Variants in ZFPM2 observed in about 807,000 individuals in gnomAD.
ZFPM2 encodes the protein zinc finger protein, FOG family member 2, also known as zinc finger protein ZFPM2.
ZFPM2 carries 20 observed loss-of-function variants against 98.6 expected under a neutral mutation model. The observed-to-expected ratio is 0.20, with a 90% CI of 0.14 to 0.29. ZFPM2 has a LOEUF of 0.29. Ranked by LOEUF, ZFPM2 falls within the 10% of genes least tolerant of loss-of-function variation. The pLI is 1.00. For synonymous variants in ZFPM2, 518 were observed against 502.7 expected (o/e 1.03, Z -0.41); for missense variants, 1,310 against 1,388.6 (o/e 0.94, Z 0.90).
chr8:105,543,139 A>G (rs532039962), intron 3 of ZFPM2, among the ~76,000 whole-genome samples: 3 of 152,248 alleles, frequency 2.0e-5, no homozygotes, highest in Admixed American at 6.5e-5. Flanking sequence ...TTAAATTAAA[A>G]TCTCCTGGAT....
intron 3 of ZFPM2, among the ~76,000 whole-genome samples, chr8:105,466,873 A>G (rs993222895): frequency 1.3e-5 from 2 of 152,028 alleles, no homozygotes; most frequent in African/African-American, 4.8e-5. Flanking sequence ...TGATATTATA[A>G]TAGGGTGGAA....
chr8:105,782,189 T>C (rs1400697864), intron 5 of ZFPM2, among the ~76,000 whole-genome samples: 1 of 152,196 alleles, frequency 6.6e-6, no homozygotes, highest in Non-Finnish European at 1.5e-5. Context: ...GTGTAGCACA[T>C]GGTAACCACT....
chr8:105,443,025 T>A (rs1314502432), intron 2 of ZFPM2, among the ~76,000 whole-genome samples: 1 of 151,912 alleles, frequency 6.6e-6, no homozygotes, highest in Non-Finnish European at 1.5e-5. Context: ...ATCTTGGCAT[T>A]ATTGGCCGGG....
rs1291562533 is a variant in ZFPM2, at chr8:105,444,024, A to G, written c.200-256A>G. 6.6e-6 allele frequency among the ~76,000 whole-genome samples: 1 copy of G among 152,216 alleles called. No individual in the cohort carries two copies. Among genetic ancestry groups the G allele is most frequent in the African/African-American group, 2.4e-5 (1 of 41,464 alleles). On this transcript the variant is annotated intron_variant, in intron 2 of 7. Coordinates refer to ENST00000407775, the MANE Select transcript of ZFPM2 (RefSeq NM_012082.4). Reference sequence around the variant, plus strand: ...CTTCTTATATATATTAATAACTCCAAAGGAAAATTTACATGGAAATGTTTT... The same window carrying G: ...CTTCTTATATATATTAATAACTCCAGAGGAAAATTTACATGGAAATGTTTT...
chr8:105,441,503 C>CGAAAGAAAAAAAGAAAGAAAGAAAG (rs1563660188), intron 2 of ZFPM2, among the ~76,000 whole-genome samples: 1 of 53,346 alleles, frequency 1.9e-5, no homozygotes, highest in African/African-American at 6.3e-5. Context: ...AGAAAGAAAT[C>CGAAAGAAAAAAAGAAAGAAAGAAAG]AAAGCCCAGG....
chr8:105,360,342 T>C (rs919500633), intron 1 of ZFPM2, among the ~76,000 whole-genome samples: 12 of 152,204 alleles, frequency 7.9e-5, no homozygotes, highest in African/African-American at 2.7e-4. Flanking sequence ...TTTTTATTTT[T>C]ACTCACAGTA....
At chr8:105,416,087 T>G (rs1811674812) in intron 1 of ZFPM2, among the ~76,000 whole-genome samples, 1 of 151,874 alleles carries the variant, frequency 6.6e-6, no homozygotes, top group Non-Finnish European at 1.5e-5. Flanking sequence ...AACCCTGGAA[T>G]AGATAATATT....
At chr8:105,542,776 T>C (rs990339601) in intron 3 of ZFPM2, among the ~76,000 whole-genome samples, 41 of 152,314 alleles carry the variant, frequency 2.7e-4, no homozygotes, top group African/African-American at 8.9e-4. Context: ...ATTCCTTATA[T>C]ACTTTGCCAA....
At chr8:105,798,498 G>A (rs759075102) in intron 6 of ZFPM2, 2 of 468,104 alleles carry the variant, frequency 4.3e-6, no homozygotes, top group East Asian at 6.3e-5. Flanking sequence ...AAATGTTGGA[G>A]TCTCCTCTTT....
chr8:105,588,192 G>A (rs1456800105), intron 4 of ZFPM2, among the ~76,000 whole-genome samples: 3 of 152,054 alleles, frequency 2.0e-5, no homozygotes. Context: ...GAATTAAAAT[G>A]CATTAGGTGA....
chr8:105,514,292 C>T (rs1586428487), intron 3 of ZFPM2, among the ~76,000 whole-genome samples: 2 of 147,514 alleles, frequency 1.4e-5, no homozygotes, highest in South Asian at 2.2e-4. Context: ...CGTGAGCCAC[C>T]GTTCCTGGTC....
intron 3 of ZFPM2, among the ~76,000 whole-genome samples, chr8:105,549,219 G>A (rs1563713436): frequency 2.6e-5 from 4 of 152,104 alleles, no homozygotes; most frequent in African/African-American, 7.2e-5. Context: ...TCCAGGGAAA[G>A]TGAGAGAAAG....
At chr8:105,676,079 G>A (rs895421135) in intron 5 of ZFPM2, 1 of 152,134 alleles carries the variant, frequency 6.6e-6, no homozygotes, top group Non-Finnish European at 1.5e-5. Context: ...ATCTTTTTAG[G>A]ACTCTTACTA....
intron 3 of ZFPM2, among the ~76,000 whole-genome samples, chr8:105,529,184 GTC>G (rs1279363940): frequency 1.3e-5 from 2 of 152,046 alleles, no homozygotes; most frequent in East Asian, 3.9e-4. Flanking sequence ...TCTTCTGTGT[GTC>G]TCTGTCCTCA....
chr8:105,620,474 C>T (rs2130815382), intron 4 of ZFPM2, among the ~76,000 whole-genome samples: 2 of 152,264 alleles, frequency 1.3e-5, no homozygotes, highest in Middle Eastern at 6.8e-3. Context: ...TTCTCCCATT[C>T]TGTAGGTTGT....
rs36124912 is a variant in ZFPM2, at chr8:105,377,607, C to CAAAAAAAAAAAAAAAAAAA, written c.41-41529_41-41511dup. ...CAAAACCCCGTTTTTCTTAAAAATC[C>CAAAAAAAAAAAAAAAAAAA]AAAAAAAAAAAAAAAAAAAAAAAAA... On this transcript the variant is annotated intron_variant, in intron 1 of 7. Coordinates refer to ENST00000407775, the MANE Select transcript of ZFPM2 (RefSeq NM_012082.4). 2.0e-4 allele frequency among the ~76,000 whole-genome samples: 13 copies of CAAAAAAAAAAAAAAAAAAA among 63,880 alleles called. 4 individuals carry two copies. Among genetic ancestry groups the CAAAAAAAAAAAAAAAAAAA allele is most frequent in the African/African-American group, 5.4e-4 (9 of 16,582 alleles). The allele number at this position is 63,880 out of a possible 152,430, so 41.9% of individuals were successfully genotyped here.
chr8:105,568,135 T>G (rs1815278667), intron 4 of ZFPM2, among the ~76,000 whole-genome samples: 1 of 152,114 alleles, frequency 6.6e-6, no homozygotes, highest in Non-Finnish European at 1.5e-5. Flanking sequence ...CTTCAGCTAC[T>G]AATTTACAAA....
At position 105,587,990 on chromosome 8, in the gene ZFPM2, C is replaced by T. The variant is rs188839731; in HGVS notation, c.420+26509C>T. The stretch of plus-strand genomic sequence containing the variant: ...ACCAGTAGTATGGATTATGAAAACA[C>T]GAGCCCACCACAGGGAAAGTTAAAG... On this transcript the variant is annotated intron_variant, in intron 4 of 7. Coordinates refer to ENST00000407775, the MANE Select transcript of ZFPM2 (RefSeq NM_012082.4). Among the ~76,000 whole-genome samples the T allele has an allele frequency of 4.0e-3, 606 of 152,226 alleles. 4 individuals are homozygous for T. The highest frequency in any genetic ancestry group is 0.014 in the African/African-American group (584 of 41,542).
intron 3 of ZFPM2, among the ~76,000 whole-genome samples, chr8:105,544,491 C>G (rs1174053807): frequency 6.6e-6 from 1 of 152,144 alleles, no homozygotes; most frequent in Non-Finnish European, 1.5e-5. Flanking sequence ...ATATTATTCT[C>G]TTGCTTCTAC....
Sources: allele counts gnomAD v4.1 joint callset (sites outside exome capture counted in the v4.1 genomes callset), GRCh38; gene constraint gnomAD v4.1.1; transcripts MANE v1.5; gene names NCBI Gene and HGNC (gene_info 2026-07-23, HGNC 2026-07-21).